Variants in C1orf21 observed in about 807,000 individuals in gnomAD.
The protein encoded by C1orf21 is uncharacterized protein C1orf21.
Under a neutral mutation model 18.7 loss-of-function variants are expected in C1orf21, and 3 were observed. That is an observed-to-expected ratio of 0.16 (90% CI 0.07 to 0.42). C1orf21 has a LOEUF of 0.42. Ranked by LOEUF, C1orf21 falls within the 10% of genes least tolerant of loss-of-function variation. C1orf21 has a pLI of 0.99. For missense variants in C1orf21, 104 were observed against 143.6 expected, an observed-to-expected ratio of 0.72 and a Z score of 1.41; for synonymous variants, 41 against 46.4, an observed-to-expected ratio of 0.88 and a Z score of 0.47.
chr1:184,493,042 A>G (rs1368893654), intron 2 of C1orf21, among the ~76,000 whole-genome samples: 1 of 152,210 alleles, frequency 6.6e-6, no homozygotes, highest in Non-Finnish European at 1.5e-5. Flanking sequence ...GTAAAAATTT[A>G]CAGAAAGTCA....
In C1orf21 at chr1:184,477,602, C is replaced by T. The variant is rs563292277; in HGVS notation, c.93C>T (p.Gly31=). 2.0e-5 allele frequency: 33 copies of T among 1,613,278 alleles called. No individual in the cohort carries two copies. Among genetic ancestry groups the T allele is most frequent in the East Asian group, 1.8e-4 (8 of 44,844 alleles). The change falls in exon 2 of 6, where the codon GGC becomes GGT. Residue 31 remains glycine, a splice_region_variant and synonymous_variant. Coordinates refer to ENST00000235307, the MANE Select transcript of C1orf21 (RefSeq NM_030806.4). The part of the protein sequence containing the change: ...GKNYQNGDVF[G]DEYRIKPVEE... The stretch of plus-strand genomic sequence containing the variant: ...ACTACCAGAACGGAGATGTGTTTGG[C>T]GGTGAGTCCTATCAAACTTGACTCT...
chr1:184,579,061 A>G (rs1375005550), intron 3 of C1orf21, among the ~76,000 whole-genome samples: 3 of 148,918 alleles, frequency 2.0e-5, no homozygotes, highest in African/African-American at 7.4e-5. Flanking sequence ...TTTTTTTGAG[A>G]CAGAGTCACT....
At chr1:184,573,350 A>G (rs920373383) in intron 3 of C1orf21, among the ~76,000 whole-genome samples, 4 of 152,330 alleles carry the variant, frequency 2.6e-5, no homozygotes, top group African/African-American at 9.6e-5. Flanking sequence ...TACAAAATAC[A>G]GTAATTCTCA....
At chr1:184,590,669 A>G in intron 3 of C1orf21, 70 bp from the exon 4 acceptor site, 1 of 1,470,338 alleles carries the variant, frequency 6.8e-7, no homozygotes, top group Middle Eastern at 1.8e-4. Context: ...TTGTGTGATG[A>G]AAACTCATAC....
chr1:184,615,281 A>G (rs1481632925), intron 5 of C1orf21, among the ~76,000 whole-genome samples: 2 of 152,150 alleles, frequency 1.3e-5, no homozygotes, highest in African/African-American at 4.8e-5. Context: ...TGGTCGGAAA[A>G]ATTTTGGTAG....
At chr1:184,423,871 A>C (rs953101445) in intron 1 of C1orf21, among the ~76,000 whole-genome samples, 1 of 150,066 alleles carries the variant, frequency 6.7e-6, no homozygotes. Context: ...CCATCCATCC[A>C]TCCATCCATC....
intron 3 of C1orf21, among the ~76,000 whole-genome samples, chr1:184,523,105 A>G (rs757236162): frequency 9.9e-5 from 15 of 152,228 alleles, no homozygotes; most frequent in Non-Finnish European, 1.6e-4. Context: ...GTAATTTCAT[A>G]TCATTTATGT....
chr1:184,436,913 A>C (rs985979714), intron 1 of C1orf21, among the ~76,000 whole-genome samples: 5 of 152,184 alleles, frequency 3.3e-5, no homozygotes, highest in African/African-American at 9.7e-5. Context: ...AGTAAAGTCA[A>C]CAAATGGGCA....
chr1:184,536,313 C>G, intron 3 of C1orf21, among the ~76,000 whole-genome samples: 1 of 150,318 alleles, frequency 6.7e-6, no homozygotes, highest in East Asian at 1.9e-4. Flanking sequence ...GACCCAGGTT[C>G]TTGCTATCTT....
At position 184,620,158 on chromosome 1, in the gene C1orf21, A is replaced by C. The variant is rs1340209011; in HGVS notation, c.*602A>C. ...TGCTGTGATGTGACTCCTGGAAGTGACGTAGGAGTGAGTGGCAGGTTGTTT... is the reference window on the plus strand; with the variant it reads ...TGCTGTGATGTGACTCCTGGAAGTGCCGTAGGAGTGAGTGGCAGGTTGTTT... On this transcript the variant is annotated 3_prime_UTR_variant, in exon 6 of 6. Transcript: ENST00000235307. 1 of 152,642 alleles carries C rather than the reference A, an allele frequency of 6.6e-6. No individual in the cohort carries two copies. The highest frequency in any genetic ancestry group is 1.5e-5 in the Non-Finnish European group (1 of 68,056). 9.5% of individuals were successfully genotyped at this position (152,642 alleles called of 1,614,324 possible).
chr1:184,545,255 A>G (rs751951912), intron 3 of C1orf21, among the ~76,000 whole-genome samples: 3 of 152,196 alleles, frequency 2.0e-5, no homozygotes, highest in Non-Finnish European at 4.4e-5. Flanking sequence ...ATGATCCATC[A>G]TACTGTGGAA....
Position 184,476,268 on chromosome 1 carries a change from G to C in C1orf21, c.-124-1118G>C, listed in dbSNP as rs187404230. 3.3e-5 allele frequency among the ~76,000 whole-genome samples: 5 copies of C among 152,230 alleles called. No homozygotes were observed. In the East Asian group the frequency reaches 9.7e-4, roughly 29 times the overall value. ...CTGTGAAACTTGAGAAACTTCCACT[G>C]TTCATGGGCGGGGGGCAGTGGGACG... On this transcript the variant is annotated intron_variant, in intron 1 of 5. Transcript: ENST00000235307.
At chr1:184,447,107 T>C (rs932067150) in intron 1 of C1orf21, among the ~76,000 whole-genome samples, 1 of 152,142 alleles carries the variant, frequency 6.6e-6, no homozygotes, top group South Asian at 2.1e-4. Context: ...CTAATCACTG[T>C]AGAGGCTCTA....
At chr1:184,533,273 G>C (rs533540087) in intron 3 of C1orf21, among the ~76,000 whole-genome samples, 1 of 152,120 alleles carries the variant, frequency 6.6e-6, no homozygotes, top group Non-Finnish European at 1.5e-5. Flanking sequence ...GGTTTCATTA[G>C]AGCATGGAAC....
chr1:184,526,354 A>G (rs916327170), intron 3 of C1orf21, among the ~76,000 whole-genome samples: 2 of 152,188 alleles, frequency 1.3e-5, no homozygotes, highest in Non-Finnish European at 2.9e-5. Flanking sequence ...GCCTTCTGAC[A>G]TCCCCTAGAA....
chr1:184,400,869 AC>A (rs1236553281), intron 1 of C1orf21, among the ~76,000 whole-genome samples: 3 of 152,138 alleles, frequency 2.0e-5, no homozygotes, highest in African/African-American at 7.2e-5. Context: ...AAGTGGGATC[AC>A]TGGGTCAAAG....
At chr1:184,490,395 C>T (rs1014640289) in intron 2 of C1orf21, among the ~76,000 whole-genome samples, 1 of 152,162 alleles carries the variant, frequency 6.6e-6, no homozygotes, top group African/African-American at 2.4e-5. Context: ...TGATTAAAGC[C>T]TCAGCTGAGT....
chr1:184,585,712 C>T (rs1659343401), intron 3 of C1orf21, among the ~76,000 whole-genome samples: 1 of 152,164 alleles, frequency 6.6e-6, no homozygotes, highest in Non-Finnish European at 1.5e-5. Flanking sequence ...TAATTGGGAA[C>T]ATGCGATATT....
chr1:184,601,536 A>G (rs1282320595), intron 5 of C1orf21, among the ~76,000 whole-genome samples: 4 of 152,198 alleles, frequency 2.6e-5, no homozygotes, highest in African/African-American at 9.6e-5. Context: ...TTACCTTTGC[A>G]CCACAGCTGA....
Sources: allele counts gnomAD v4.1 joint callset (sites outside exome capture counted in the v4.1 genomes callset), GRCh38; gene constraint gnomAD v4.1.1; transcripts MANE v1.5; gene names NCBI Gene and HGNC (gene_info 2026-07-23, HGNC 2026-07-21).